The following AHI1 variants were observed in gnomAD, a reference collection of about 807,000 sequenced individuals.
The protein encoded by AHI1 is jouberin.
A neutral mutation model predicts 149.3 loss-of-function variants in AHI1; 123 were observed. The observed-to-expected ratio is 0.82, with a 90% CI of 0.71 to 0.96. The LOEUF is 0.96. Ranked by LOEUF, AHI1 falls within the 40% of genes least tolerant of loss-of-function variation. The pLI is 0.00. For missense variants in AHI1, 1,439 were observed against 1,422.7 expected, an observed-to-expected ratio of 1.01 and a Z score of -0.18; for synonymous variants, 475 against 459.8, an observed-to-expected ratio of 1.03 and a Z score of -0.42.
chr6:135,470,234 G>A (rs1411811350), intron 5 of AHI1, among the ~76,000 whole-genome samples: 1 of 152,122 alleles, frequency 6.6e-6, no homozygotes, highest in African/African-American at 2.4e-5. Flanking sequence ...ATCACTGATG[G>A]TTAGAGAATG....
At chr6:135,294,845 G>C (rs1782884700) in intron 27 of AHI1, among the ~76,000 whole-genome samples, 1 of 151,408 alleles carries the variant, frequency 6.6e-6, no homozygotes, top group Non-Finnish European at 1.5e-5. Context: ...AAATATAAGA[G>C]AAAACTTTAG....
chr6:135,293,406 G>GAAAAAAAAAA (rs71547029), intron 27 of AHI1, among the ~76,000 whole-genome samples: 6 of 65,592 alleles, frequency 9.1e-5, no homozygotes, highest in Non-Finnish European at 1.3e-4. Context: ...AAAAAAAAAA[G>GAAAAAAAAAA]AAAAAAAAAA....
At chr6:135,380,966 A>G (rs1348784962) in intron 23 of AHI1, among the ~76,000 whole-genome samples, 1 of 152,204 alleles carries the variant, frequency 6.6e-6, no homozygotes, top group East Asian at 1.9e-4. Flanking sequence ...CAAAGCAAAG[A>G]GAAGTTATTT....
At chr6:135,301,991 ATTCTT>A (rs1583584599) in intron 26 of AHI1, 1 of 984,216 alleles carries the variant, frequency 1.0e-6, no homozygotes, top group South Asian at 4.7e-5. Context: ...GAAATGTTTT[ATTCTT>A]TTCTTTTTTT....
At chr6:135,415,782 A>G (rs1330663639) in intron 20 of AHI1, among the ~76,000 whole-genome samples, 1 of 152,230 alleles carries the variant, frequency 6.6e-6, no homozygotes, top group Non-Finnish European at 1.5e-5. Context: ...GTGAATGGAT[A>G]AACAAACTGT....
intron 20 of AHI1, among the ~76,000 whole-genome samples, chr6:135,415,164 T>G (rs1472373982): frequency 6.6e-6 from 1 of 152,116 alleles, no homozygotes; most frequent in Non-Finnish European, 1.5e-5. Context: ...TATGGCTTCA[T>G]AGTATTCCAT....
intron 24 of AHI1, among the ~76,000 whole-genome samples, chr6:135,351,321 A>G (rs144443857): frequency 8.1e-4 from 123 of 152,250 alleles, no homozygotes; most frequent in African/African-American, 2.6e-3. Context: ...TGTCCTTAAT[A>G]TCTGGCTATC....
intron 23 of AHI1, among the ~76,000 whole-genome samples, chr6:135,373,700 AAG>A (rs1775411756): frequency 6.6e-6 from 1 of 152,184 alleles, no homozygotes; most frequent in Non-Finnish European, 1.5e-5. Flanking sequence ...CGATCAAAGA[AAG>A]AAGAACAAAG....
At chr6:135,419,486 A>G (rs182978388) in intron 20 of AHI1, among the ~76,000 whole-genome samples, 242 of 152,112 alleles carry the variant, frequency 1.6e-3, no homozygotes, top group Non-Finnish European at 2.9e-3. Context: ...AATAAAGCAT[A>G]TATCTCAATA....
intron 23 of AHI1, among the ~76,000 whole-genome samples, chr6:135,385,813 A>AAAAAC (rs1360384089): frequency 2.0e-5 from 3 of 152,196 alleles, no homozygotes; most frequent in Non-Finnish European, 4.4e-5. Flanking sequence ...AAACAAAAAC[A>AAAAAC]AAAACAAAAC....
At chr6:135,455,693 T>C (rs1299103696) in intron 10 of AHI1, 41 bp downstream of exon 10, 3 of 1,371,826 alleles carry the variant, frequency 2.2e-6, no homozygotes, top group African/African-American at 1.4e-5. Context: ...CTATTAAATA[T>C]TAACTATCGT....
chr6:135,346,585 A>T (rs892303756), intron 24 of AHI1, among the ~76,000 whole-genome samples: 2 of 152,152 alleles, frequency 1.3e-5, no homozygotes, highest in Non-Finnish European at 2.9e-5. Context: ...CTAGTAAAAG[A>T]GAAAGAAAAG....
At chr6:135,343,452 G>A (rs1483658786) in intron 24 of AHI1, among the ~76,000 whole-genome samples, 2 of 151,666 alleles carry the variant, frequency 1.3e-5, no homozygotes, top group Admixed American at 6.6e-5. Flanking sequence ...TCTCGAAAAA[G>A]AACAAGGTTG....
chr6:135,492,558 C>A (rs965722875), intron 3 of AHI1: 1 of 982,530 alleles, frequency 1.0e-6, no homozygotes, highest in Non-Finnish European at 1.2e-6. Flanking sequence ...GAAGGCAGTG[C>A]ACATCTAATG....
rs1439889162 is a variant in AHI1, at chr6:135,298,972, T to C, written c.3485+1528A>G. The stretch of plus-strand genomic sequence containing the variant: ...CCAAGAGCACTGTTCCCATGATGTG[T>C]TAAACATGGTCATTTTTTTTTGGTT... On this transcript the variant is annotated intron_variant, in intron 27 of 28. Coordinates refer to ENST00000265602, the MANE Select transcript of AHI1 (RefSeq NM_001134831.2). Among the ~76,000 whole-genome samples, 3 of 152,198 alleles carry C rather than the reference T, an allele frequency of 2.0e-5. No homozygotes were observed. The East Asian group carries it at 5.8e-4, about 29-fold the overall frequency.
At chr6:135,427,077 G>A in intron 20 of AHI1, 90 bp downstream of exon 20, 1 of 1,321,516 alleles carries the variant, frequency 7.6e-7, no homozygotes, top group Non-Finnish European at 1.0e-6. Flanking sequence ...GTGTACTTTT[G>A]TCAACATTTG....
intron 16 of AHI1, among the ~76,000 whole-genome samples, chr6:135,432,003 T>G (rs891418044): frequency 3.4e-5 from 5 of 147,928 alleles, no homozygotes; most frequent in African/African-American, 9.8e-5. Flanking sequence ...AATTTCCTTT[T>G]TTTTTTTTTT....
chr6:135,491,465 T>C (rs1378370466), intron 4 of AHI1, among the ~76,000 whole-genome samples: 1 of 152,184 alleles, frequency 6.6e-6, no homozygotes, highest in Admixed American at 6.5e-5. Context: ...AACCTGTCTG[T>C]TTAAATGCTG....
rs146125280 is a variant in AHI1, at chr6:135,303,401, T to G, written c.3427-2843A>C. Among the ~76,000 whole-genome samples, 463 of 152,372 alleles carry G rather than the reference T, an allele frequency of 3.0e-3. 1 individual carries two copies. The highest frequency in any genetic ancestry group is 4.9e-3 in the Non-Finnish European group (334 of 68,036). ...TCATGATAGATATACCTTTTCCATATAATTTCATAGTTTGTTTATATCTAC... is the reference window on the plus strand; with the variant it reads ...TCATGATAGATATACCTTTTCCATAGAATTTCATAGTTTGTTTATATCTAC... On this transcript the variant is annotated intron_variant, in intron 26 of 28. Transcript: ENST00000265602.
Sources: gnomAD v4.1 joint callset for allele counts (sites outside exome capture counted in the v4.1 genomes callset) on GRCh38, gnomAD v4.1.1 for gene constraint, MANE v1.5 for transcripts, NCBI Gene and HGNC (gene_info 2026-07-23, HGNC 2026-07-21) for gene names.